The following FAM135A variants were observed in gnomAD, a reference collection of about 807,000 sequenced individuals.
FAM135A encodes the protein protein FAM135A.
FAM135A carries 79 observed loss-of-function variants against 146.8 expected under a neutral mutation model. That is an observed-to-expected ratio of 0.54 (90% CI 0.45 to 0.65). FAM135A has a LOEUF of 0.65. Among genes scored for constraint, FAM135A ranks in the 30% least tolerant of loss-of-function variants. The pLI, the probability that FAM135A is intolerant of heterozygous loss-of-function variation, is 0.00. For synonymous variants in FAM135A, 562 were observed against 603.6 expected, an observed-to-expected ratio of 0.93 and a Z score of 1.01; for missense variants, 1,623 against 1,758.2, an observed-to-expected ratio of 0.92 and a Z score of 1.38.
intron 4 of FAM135A, among the ~76,000 whole-genome samples, chr6:70,443,593 G>A (rs1374243679): frequency 6.6e-6 from 1 of 152,186 alleles, no homozygotes; most frequent in Non-Finnish European, 1.5e-5. Flanking sequence ...ACTATATTTT[G>A]TTAGATTGTT....
At position 70,453,118 on chromosome 6, in the gene FAM135A, A is replaced by T. The variant is rs191999407; in HGVS notation, c.157+547A>T. 3.0e-3 allele frequency among the ~76,000 whole-genome samples: 456 copies of T among 152,258 alleles called. 2 individuals are homozygous for T. Among genetic ancestry groups the T allele is most frequent in the Non-Finnish European group, 4.8e-3 (328 of 67,998 alleles). On this transcript the variant is annotated intron_variant, in intron 5 of 21. Transcript: ENST00000418814. ...AAGTTAAAACTGGTGGCCCTGACAT[A>T]ATTAGTGGTCATTTTTCAGCTTTCC...
In FAM135A at chr6:70,526,766, TACACACAC is replaced by T. The variant is rs71538422; in HGVS notation, c.3614+98_3614+105del. The T allele has an allele frequency of 3.2e-3, 1,461 of 452,508 alleles. 7 individuals are homozygous for T. Among genetic ancestry groups the T allele is most frequent in the African/African-American group, 0.022 (902 of 40,252 alleles). The allele number at this position is 452,508 out of a possible 1,614,324, so 28.0% of individuals were successfully genotyped here. A position where few individuals can be genotyped will look rare whatever the true frequency, so the allele number is the denominator to read the frequency against. On this transcript the variant is annotated intron_variant, in intron 15 of 21. Coordinates refer to ENST00000418814, the MANE Select transcript of FAM135A (RefSeq NM_001162529.3). The stretch of plus-strand genomic sequence containing the variant: ...ATATATATATACACACACACACACA[TACACACAC>T]ACACACACACACACACACACACACA...
chr6:70,556,355 T>C (rs568374712), intron 20 of FAM135A, among the ~76,000 whole-genome samples: 1 of 152,310 alleles, frequency 6.6e-6, no homozygotes, highest in Admixed American at 6.5e-5. Context: ...GTGAGGTGTT[T>C]TGTTTGTTTT....
At chr6:70,453,455 G>A (rs1172890006) in intron 5 of FAM135A, among the ~76,000 whole-genome samples, 2 of 151,808 alleles carry the variant, frequency 1.3e-5, no homozygotes, top group African/African-American at 4.8e-5. Context: ...GGATACATGT[G>A]CACAACATGC....
Position 70,526,703 on chromosome 6 carries a change from G to C in FAM135A, c.3614+5G>C. 1 of 1,560,044 alleles carries C rather than the reference G, an allele frequency of 6.4e-7. No homozygotes were observed. The highest frequency in any genetic ancestry group is 8.7e-7 in the Non-Finnish European group (1 of 1,154,328). ...ACCAAAACCTCAAATACAAGCGTAA[G>C]TAATGGAACGTAATAGTACCTGCTG... On this transcript the variant is annotated splice_donor_5th_base_variant and intron_variant, in intron 15 of 21. Transcript: ENST00000418814.
intron 5 of FAM135A, among the ~76,000 whole-genome samples, chr6:70,460,852 T>TTTTTTTC (rs570424192): frequency 1.1e-4 from 16 of 151,206 alleles, no homozygotes; most frequent in African/African-American, 3.9e-4. Context: ...AGCTATCTTT[T>TTTTTTTC]TTTTTTTTTT....
intron 16 of FAM135A, 62 bp downstream of exon 16, chr6:70,528,514 C>G: frequency 7.5e-7 from 1 of 1,324,598 alleles, no homozygotes; most frequent in African/African-American, 1.5e-5. Flanking sequence ...TAATAGATCT[C>G]ATTTAGTTTC....
At chr6:70,537,302 A>G (rs560960489) in intron 19 of FAM135A, among the ~76,000 whole-genome samples, 4 of 152,142 alleles carry the variant, frequency 2.6e-5, no homozygotes, top group Non-Finnish European at 5.9e-5. Context: ...AAATTAGTCA[A>G]TTGATTCCCA....
chr6:70,542,719 ATCC>A (rs999699134), intron 20 of FAM135A, among the ~76,000 whole-genome samples: 9 of 152,056 alleles, frequency 5.9e-5, no homozygotes, highest in African/African-American at 2.2e-4. Flanking sequence ...ATGAATTTCA[ATCC>A]TCATTTGCCT....
intron 16 of FAM135A, among the ~76,000 whole-genome samples, chr6:70,531,117 CTGG>C (rs1212748507): frequency 1.3e-5 from 2 of 152,220 alleles, no homozygotes; most frequent in African/African-American, 4.8e-5. Flanking sequence ...GAAGGACTCT[CTGG>C]TGAAGCTTTT....
At chr6:70,450,384 G>A (rs1164054472) in intron 4 of FAM135A, among the ~76,000 whole-genome samples, 2 of 152,100 alleles carry the variant, frequency 1.3e-5, no homozygotes. Context: ...TTTTCTTCTA[G>A]TAGTTTTACA....
Position 70,560,612 on chromosome 6 carries a change from A to G in FAM135A, c.*691A>G, listed in dbSNP as rs1801735827. 2.0e-5 allele frequency: 3 copies of G among 152,584 alleles called. No individual in the cohort carries two copies. Among genetic ancestry groups the G allele is most frequent in the African/African-American group, 7.2e-5 (3 of 41,456 alleles). 9.5% of individuals were successfully genotyped at this position (152,584 alleles called of 1,614,324 possible). On this transcript the variant is annotated 3_prime_UTR_variant, in exon 22 of 22. Coordinates refer to ENST00000418814, the MANE Select transcript of FAM135A (RefSeq NM_001162529.3). ...TGGAAATGTTCCTGTACATGTTGGC[A>G]GCAGATAAAGATTTTTGAATGTTTG...
chr6:70,529,914 A>G (rs1561987277), intron 16 of FAM135A, among the ~76,000 whole-genome samples: 1 of 152,178 alleles, frequency 6.6e-6, no homozygotes, highest in Non-Finnish European at 1.5e-5. Flanking sequence ...TACAAAAAAA[A>G]TTAGCTGGGC....
chr6:70,482,557 G>T (rs900049633), intron 10 of FAM135A, among the ~76,000 whole-genome samples: 7 of 151,964 alleles, frequency 4.6e-5, no homozygotes, highest in African/African-American at 1.7e-4. Flanking sequence ...GTTTACATTT[G>T]ATTTTATAAT....
Position 70,524,119 on chromosome 6 carries a change from A to G in FAM135A, c.1256A>G (p.Glu419Gly), listed in dbSNP as rs139000140. The change falls in exon 14 of 22, where the codon GAA becomes GGA. Residue 419 changes from glutamate (E) to glycine (G), a missense_variant and splice_region_variant. Glu to Gly is a moderately conservative substitution (Grantham distance 98). This residue lies in a region of FAM135A where 1,061 missense variants were observed against 1,113.8 expected (regional missense o/e 0.95). Transcript: ENST00000418814. ...FEDRYLDSVT[E>G]DLDAPWMGIQ... ...GATAGGTATTTAGATTCAGTTACTG[A>G]AGGTAAGTGTAATCTAACTAAAATA... is the stretch of plus-strand genomic sequence containing the variant. 4.0e-5 allele frequency: 64 copies of G among 1,607,882 alleles called. No individual in the cohort carries two copies. The East Asian group carries it at 1.4e-3, about 36-fold the overall frequency.
chr6:70,440,837 C>CA (rs966673354), intron 4 of FAM135A, among the ~76,000 whole-genome samples: 15 of 149,868 alleles, frequency 1.0e-4, no homozygotes, highest in South Asian at 6.3e-4. Context: ...AAAGCTGTCT[C>CA]AAAAAAAAAT....
intron 20 of FAM135A, among the ~76,000 whole-genome samples, chr6:70,544,120 A>AAC (rs1388044638): frequency 5.3e-5 from 8 of 152,156 alleles, no homozygotes; most frequent in Admixed American, 3.9e-4. Context: ...AAAAAAAAAA[A>AAC]ATGAATAAAT....
chr6:70,511,148 A>G (rs144315172), intron 12 of FAM135A, among the ~76,000 whole-genome samples: 190 of 151,838 alleles, frequency 1.3e-3, no homozygotes, highest in African/African-American at 4.3e-3. Flanking sequence ...TTTGTTGTTG[A>G]GTTTCAGTTA....
chr6:70,500,859 A>G (rs989877058), intron 11 of FAM135A, among the ~76,000 whole-genome samples: 2 of 152,074 alleles, frequency 1.3e-5, no homozygotes, highest in African/African-American at 4.8e-5. Context: ...TGGTAGCTTC[A>G]TCCCAGAGGG....
Sources: gnomAD v4.1 joint callset for allele counts (sites outside exome capture counted in the v4.1 genomes callset) on GRCh38, gnomAD v4.1.1 for gene constraint, gnomAD v4.1.1 regional missense constraint, MANE v1.5 for transcripts, NCBI Gene and HGNC (gene_info 2026-07-23, HGNC 2026-07-21) for gene names.